SLC9D1: variants seen among roughly 807,000 people sequenced by gnomAD.
SLC9D1 encodes the protein solute carrier family 9 member D1.
chr13:113,532,833 C>CGTTGT, the SLC9D1 span, among the ~76,000 whole-genome samples: 1 of 138,890 alleles, frequency 7.2e-6, no homozygotes, highest in Middle Eastern at 3.7e-3. Flanking sequence ...CGCTGCCTCC[C>CGTTGT]TCCTGAAGTC....
chr13:113,543,036 C>CAT, the SLC9D1 span, among the ~76,000 whole-genome samples: 3 of 111,460 alleles, frequency 2.7e-5, no homozygotes, highest in African/African-American at 4.1e-5. Flanking sequence ...CCCGGCCCTC[C>CAT]GTGTGTGTGA....
chr13:113,495,623 C>G, the SLC9D1 span: 2 of 1,562,736 alleles, frequency 1.3e-6, no homozygotes, highest in South Asian at 1.2e-5. Flanking sequence ...TGCTGTTTCC[C>G]GTCCTTCCCT....
At chr13:113,501,013 C>T in the SLC9D1 span, among the ~76,000 whole-genome samples, 1 of 152,178 alleles carries the variant, frequency 6.6e-6, no homozygotes, top group Non-Finnish European at 1.5e-5. Context: ...GTATCCTGCT[C>T]CTCACTGACC....
chr13:113,540,490 A>C, the SLC9D1 span, among the ~76,000 whole-genome samples: 1 of 152,162 alleles, frequency 6.6e-6, no homozygotes, highest in Non-Finnish European at 1.5e-5. Context: ...ATGACCAGTG[A>C]TGTTGAGCAT....
At chr13:113,495,406 C>T in the SLC9D1 span, 2 of 510,728 alleles carry the variant, frequency 3.9e-6, no homozygotes, top group Non-Finnish European at 6.9e-6. Flanking sequence ...AGAATTTCTT[C>T]AGAAAGGTGT....
At chr13:113,520,549 G>A in the SLC9D1 span, 2 of 1,074,190 alleles carry the variant, frequency 1.9e-6, no homozygotes, top group Middle Eastern at 2.3e-4. Flanking sequence ...GTGTACAATG[G>A]CAATATTTTG....
At chr13:113,496,166 T>C in the SLC9D1 span, 3 of 634,492 alleles carry the variant, frequency 4.7e-6, no homozygotes, top group African/African-American at 5.5e-5. Context: ...GCGTGAATGC[T>C]GCTGATGTCG....
At chr13:113,536,153 A>G in the SLC9D1 span, among the ~76,000 whole-genome samples, 1 of 152,128 alleles carries the variant, frequency 6.6e-6, no homozygotes, top group Non-Finnish European at 1.5e-5. Context: ...CGAGGTGGGT[A>G]GATCTTCTGA....
At chr13:113,517,672 G>C in the SLC9D1 span, among the ~76,000 whole-genome samples, 1 of 152,348 alleles carries the variant, frequency 6.6e-6, no homozygotes, top group Admixed American at 6.5e-5. Flanking sequence ...GCAAGTCGCA[G>C]AAATGTTGAT....
At chr13:113,536,144 G>A in the SLC9D1 span, among the ~76,000 whole-genome samples, 46 of 152,280 alleles carry the variant, frequency 3.0e-4, no homozygotes, top group African/African-American at 1.0e-3. Context: ...TTGGGAGGCC[G>A]AGGTGGGTAG....
chr13:113,505,410 A>G, the SLC9D1 span: 1 of 152,246 alleles, frequency 6.6e-6, no homozygotes, highest in African/African-American at 2.4e-5. Context: ...TCACCTCCTC[A>G]TTGTAAATTT....
At chr13:113,513,623 A>C in the SLC9D1 span, among the ~76,000 whole-genome samples, 1 of 152,244 alleles carries the variant, frequency 6.6e-6, no homozygotes, top group Non-Finnish European at 1.5e-5. Flanking sequence ...TAATTTGAAA[A>C]AAAAGCTTTG....
chr13:113,494,277 C>T, the SLC9D1 span, among the ~76,000 whole-genome samples: 1 of 152,144 alleles, frequency 6.6e-6, no homozygotes, highest in Admixed American at 6.5e-5. Context: ...CTACTTGTGA[C>T]TGGTGATCTC....
the SLC9D1 span, chr13:113,530,084 G>A: frequency 6.6e-6 from 1 of 152,246 alleles, no homozygotes; most frequent in Admixed American, 6.5e-5. Context: ...CACAGATGAA[G>A]CACGATGCTT....
the SLC9D1 span, chr13:113,510,379 C>T: frequency 4.3e-6 from 7 of 1,613,826 alleles, no homozygotes; most frequent in Non-Finnish European, 5.1e-6. Flanking sequence ...AAGCACACCC[C>T]TCGTGTCCAG....
chr13:113,533,163 C>T, the SLC9D1 span, among the ~76,000 whole-genome samples: 6 of 126,752 alleles, frequency 4.7e-5, no homozygotes, highest in Admixed American at 4.8e-4. Flanking sequence ...CGCTGCCTCC[C>T]TCCTGAAGTT....
the SLC9D1 span, chr13:113,520,674 C>T: frequency 1.1e-5 from 17 of 1,614,078 alleles, no homozygotes; most frequent in Admixed American, 1.5e-4. Context: ...ACGTGCAGCT[C>T]GGGCTCTTCA....
the SLC9D1 span, among the ~76,000 whole-genome samples, chr13:113,538,029 A>G: frequency 2.0e-5 from 3 of 149,820 alleles, no homozygotes; most frequent in Admixed American, 6.6e-5. Flanking sequence ...GCATGTGTAC[A>G]TGTGTGGGGT....
chr13:113,502,963 C>T, the SLC9D1 span, among the ~76,000 whole-genome samples: 6 of 152,226 alleles, frequency 3.9e-5, no homozygotes, highest in African/African-American at 1.4e-4. Context: ...CGCAAGCCCA[C>T]GTGTGGGGGC....
Sources: allele counts gnomAD v4.1 joint callset (sites outside exome capture counted in the v4.1 genomes callset), GRCh38; gene constraint gnomAD v4.1.1; transcripts MANE v1.5; gene names NCBI Gene and HGNC (gene_info 2026-07-23, HGNC 2026-07-21).